The following DCAF6 variants were observed in gnomAD, a reference collection of about 807,000 sequenced individuals.
DCAF6 encodes the protein DDB1 and CUL4 associated factor 6.
In DCAF6, 54 loss-of-function variants were observed where a neutral mutation model predicts 125.1. The observed-to-expected ratio is 0.43, with a 90% CI of 0.35 to 0.54. The LOEUF is 0.54. DCAF6 is among the 20% of genes least tolerant of loss of function. The pLI, the probability that DCAF6 is intolerant of heterozygous loss-of-function variation, is 0.01. For synonymous variants in DCAF6, 371 were observed against 390.4 expected (o/e 0.95, Z 0.58); for missense variants, 934 against 1,161.7 (o/e 0.80, Z 2.85).
chr1:167,918,473 C>A, the DCAF6 span: 2 of 598,624 alleles, frequency 3.3e-6, no homozygotes, highest in Non-Finnish European at 5.6e-6. Context: ...AGTAGCTATA[C>A]AGTTGTAAAC....
At chr1:168,026,137 T>A (rs1040810013) in intron 12 of DCAF6, among the ~76,000 whole-genome samples, 1 of 152,232 alleles carries the variant, frequency 6.6e-6, no homozygotes, top group African/African-American at 2.4e-5. Context: ...TTTTTCTTCC[T>A]TTGTGACTTG....
the DCAF6 span, among the ~76,000 whole-genome samples, chr1:167,902,225 T>A: frequency 3.9e-5 from 6 of 152,210 alleles, no homozygotes; most frequent in Admixed American, 6.5e-5. Context: ...TGAGTCTGTT[T>A]CCTCAAGTGG....
At chr1:168,051,788 CTTGTT>C (rs768699922) in intron 17 of DCAF6, among the ~76,000 whole-genome samples, 75 of 152,068 alleles carry the variant, frequency 4.9e-4, no homozygotes, top group African/African-American at 1.7e-3. Context: ...GCTTCTCAAA[CTTGTT>C]TTGTTTTGTG....
At chr1:168,036,175 GT>G (rs1273813128) in intron 12 of DCAF6, among the ~76,000 whole-genome samples, 1 of 152,168 alleles carries the variant, frequency 6.6e-6, no homozygotes, top group Non-Finnish European at 1.5e-5. Flanking sequence ...TGGGGAACCT[GT>G]ATAAATGTTT....
At chr1:168,037,833 TCTC>T (rs1256601319) in intron 12 of DCAF6, among the ~76,000 whole-genome samples, 2 of 152,284 alleles carry the variant, frequency 1.3e-5, no homozygotes, top group South Asian at 2.1e-4. Context: ...ACCACCCTCT[TCTC>T]CATCAGGTGC....
At chr1:167,934,070 C>T (rs924306129), upstream of DCAF6, among the ~76,000 whole-genome samples, 16 of 152,136 alleles carry the variant, frequency 1.1e-4, no homozygotes, top group Non-Finnish European at 1.6e-4. Flanking sequence ...CCTTTTACTA[C>T]ACTGAAAAAG....
chr1:167,985,828 A>G (rs77650481), intron 4 of DCAF6, among the ~76,000 whole-genome samples: 1,865 of 152,316 alleles, frequency 0.012, 40 homozygotes, highest in African/African-American at 0.043. Context: ...AAAGTAAAAT[A>G]TATATGTACT....
At chr1:168,045,275 A>G in intron 16 of DCAF6, 48 bp downstream of exon 16, 1 of 1,496,296 alleles carries the variant, frequency 6.7e-7, no homozygotes, top group South Asian at 1.4e-5. Context: ...GTATTTCACA[A>G]GGATTTGTTT....
At chr1:167,875,746 C>G in the DCAF6 span, among the ~76,000 whole-genome samples, 4 of 151,844 alleles carry the variant, frequency 2.6e-5, no homozygotes, top group Non-Finnish European at 4.4e-5. Flanking sequence ...GTCAGGAGAT[C>G]GAGACCATCC....
chr1:167,879,126 A>G, the DCAF6 span, among the ~76,000 whole-genome samples: 2 of 152,226 alleles, frequency 1.3e-5, no homozygotes, highest in Non-Finnish European at 2.9e-5. Context: ...ATTGAAGCAC[A>G]GGCTCTGAAG....
the DCAF6 span, among the ~76,000 whole-genome samples, chr1:167,895,089 GGA>G: frequency 6.6e-6 from 1 of 151,916 alleles, no homozygotes; most frequent in Admixed American, 6.6e-5. Flanking sequence ...GGCTGAGGCA[GGA>G]GAATCGCTTG....
the DCAF6 span, chr1:167,917,633 G>C: frequency 6.8e-6 from 1 of 146,792 alleles, no homozygotes; most frequent in Non-Finnish European, 1.5e-5. Flanking sequence ...CAACAGATAA[G>C]TCATAGAGCT....
At chr1:167,920,552 G>A in the DCAF6 span, 1 of 1,613,480 alleles carries the variant, frequency 6.2e-7, no homozygotes, top group South Asian at 1.1e-5. Flanking sequence ...TTTACCTGTA[G>A]CCATCAAAAC....
intron 7 of DCAF6, among the ~76,000 whole-genome samples, chr1:168,002,032 A>C (rs1173899612): frequency 1.3e-5 from 2 of 152,174 alleles, no homozygotes; most frequent in Non-Finnish European, 2.9e-5. Context: ...CCGAAGAGTA[A>C]ATTGTCAATA....
At position 168,004,434 on chromosome 1, in the gene DCAF6, G is replaced by T. The variant is rs1571896769; in HGVS notation, c.1118-99G>T. On this transcript the variant is annotated intron_variant, in intron 9 of 21. Coordinates refer to ENST00000367840, the MANE Select transcript of DCAF6 (RefSeq NM_001198956.2). Reference sequence around the variant, plus strand: ...ATTATCACTGAAATTATATATTTGTGTGTGTAAATATAAATGTGTTTTCTG... The same window carrying T: ...ATTATCACTGAAATTATATATTTGTTTGTGTAAATATAAATGTGTTTTCTG... 3 of 1,229,542 alleles carry T rather than the reference G, an allele frequency of 2.4e-6. No homozygotes were observed. In the African/African-American group the frequency reaches 4.5e-5, roughly 19 times the overall value. 76.2% of individuals were successfully genotyped at this position (1,229,542 alleles called of 1,614,324 possible).
the DCAF6 span, among the ~76,000 whole-genome samples, chr1:167,890,251 A>G: frequency 2.0e-5 from 3 of 152,242 alleles, no homozygotes; most frequent in Non-Finnish European, 4.4e-5. Context: ...GATCTAAGCC[A>G]TATCTATATT....
At chr1:167,931,504 A>G (rs1218800935), upstream of DCAF6, among the ~76,000 whole-genome samples, 1 of 151,792 alleles carries the variant, frequency 6.6e-6, no homozygotes, top group Non-Finnish European at 1.5e-5. Flanking sequence ...AAAATAATAT[A>G]TGTATATTTA....
chr1:167,994,249 C>G (rs1056329048), intron 7 of DCAF6, among the ~76,000 whole-genome samples: 2 of 152,012 alleles, frequency 1.3e-5, no homozygotes, highest in African/African-American at 4.8e-5. Context: ...GGAGAATATA[C>G]TTGATAGCAA....
Position 168,044,900 on chromosome 1 carries a change from C to A in DCAF6, c.1931C>A (p.Thr644Lys). Residue 644 changes from threonine to lysine, a missense_variant and splice_region_variant, in exon 16 of 22, where the codon ACA (threonine) becomes AAA (lysine). Physicochemically the swap from Thr to Lys is moderately conservative, Grantham distance 78. Around this residue, in one of 5 missense-constraint regions of DCAF6, gnomAD observed 559 missense variants for 635.5 expected, o/e 0.88. Transcript: ENST00000367840. ...TACATACAACTTTATTTTCTGACAG[C>A]ACAATCAGATAAGTTCACAGCCAAG... ...ENPVENHINI[T>K]QSDKFTAKPL... 1 of 1,612,312 alleles carries A rather than the reference C, an allele frequency of 6.2e-7. No individual in the cohort carries two copies. The highest frequency in any genetic ancestry group is 8.5e-7 in the Non-Finnish European group (1 of 1,179,316).
Sources: allele counts gnomAD v4.1 joint callset (sites outside exome capture counted in the v4.1 genomes callset), GRCh38; gene constraint gnomAD v4.1.1; regional missense constraint gnomAD v4.1.1; transcripts MANE v1.5; gene names NCBI Gene and HGNC (gene_info 2026-07-23, HGNC 2026-07-21).